Variants in ZNF536 observed in about 807,000 individuals in gnomAD.
The protein encoded by ZNF536 is zinc finger protein 536.
A neutral mutation model predicts 84.5 loss-of-function variants in ZNF536; 13 were observed. The ratio of observed to expected loss-of-function variants is 0.15; its 90% CI spans 0.10 to 0.24. The LOEUF is 0.24. Among genes scored for constraint, ZNF536 ranks in the 10% least tolerant of loss-of-function variants. The pLI, the probability that ZNF536 is intolerant of heterozygous loss-of-function variation, is 1.00. For synonymous variants in ZNF536, 811 were observed against 742.5 expected (o/e 1.09, Z -1.50); for missense variants, 1,536 against 1,747.5 (o/e 0.88, Z 2.16).
chr19:30,570,868 G>A (rs2046520794), intron 1 of ZNF536, among the ~76,000 whole-genome samples: 1 of 152,108 alleles, frequency 6.6e-6, no homozygotes, highest in Non-Finnish European at 1.5e-5. Context: ...CCAGCTGTAG[G>A]GGCTGCCTGT....
At chr19:30,395,955 C>A (rs1371015695) in intron 1 of ZNF536, among the ~76,000 whole-genome samples, 108 of 152,284 alleles carry the variant, frequency 7.1e-4, no homozygotes, top group Non-Finnish European at 2.5e-4. Flanking sequence ...ACAATTGTTA[C>A]CACTGATGAA....
chr19:30,539,449 C>G (rs1486669287), intron 3 of ZNF536, among the ~76,000 whole-genome samples: 1 of 152,216 alleles, frequency 6.6e-6, no homozygotes, highest in Non-Finnish European at 1.5e-5. Context: ...TCCAGAAACA[C>G]CCCCATGGAC....
intron 2 of ZNF536, among the ~76,000 whole-genome samples, chr19:30,305,411 A>G (rs952144936): frequency 6.6e-6 from 1 of 152,136 alleles, no homozygotes; most frequent in Non-Finnish European, 1.5e-5. Context: ...AGGGGTGGAA[A>G]GTATTCTGTT....
chr19:30,449,282 T>G (rs558444642), intron 2 of ZNF536, among the ~76,000 whole-genome samples: 1 of 152,240 alleles, frequency 6.6e-6, no homozygotes, highest in Non-Finnish European at 1.5e-5. Context: ...AAGCAGCAGC[T>G]TATTAATTTT....
chr19:30,359,592 C>T lies in ZNF536; in HGVS notation c.-3+7108C>T, dbSNP rs550237402. 1.3e-3 allele frequency among the ~76,000 whole-genome samples: 191 copies of T among 152,208 alleles called. 1 individual carries two copies. The highest frequency in any genetic ancestry group is 4.4e-3 in the African/African-American group (181 of 41,546). On this transcript the variant is annotated intron_variant, in intron 3 of 5. Transcript: ENST00000585628. ...GGTTCCACCTTCCTTCCTGTCTCCC[C>T]GGCACCTGAGTTACAGGGTGCCCAC...
At chr19:30,405,091 C>T (rs181948626) in intron 1 of ZNF536, among the ~76,000 whole-genome samples, 13 of 152,254 alleles carry the variant, frequency 8.5e-5, no homozygotes, top group South Asian at 2.1e-4. Context: ...CACCACTGTC[C>T]GGGAACCTCA....
chr19:30,418,361 C>T (rs1459255809), intron 1 of ZNF536, among the ~76,000 whole-genome samples: 2 of 152,176 alleles, frequency 1.3e-5, no homozygotes, highest in African/African-American at 4.8e-5. Context: ...CAGTCATTCC[C>T]ACCGTGGGTG....
Position 30,455,001 on chromosome 19 carries a change from C to G in ZNF536, c.2170+9269C>G, listed in dbSNP as rs1436318495. Among the ~76,000 whole-genome samples, 3 of 152,104 alleles carry G rather than the reference C, an allele frequency of 2.0e-5. No individual in the cohort carries two copies. The East Asian group carries it at 5.8e-4, about 29-fold the overall frequency. ...TGAGCCGAGATCAAGCCATTGCACT[C>G]CAGCCTGGGCAACAAGAGCAAAACT... On this transcript the variant is annotated intron_variant, in intron 2 of 4. Coordinates refer to ENST00000355537, the MANE Select transcript of ZNF536 (RefSeq NM_014717.3).
At chr19:30,397,447 A>T (rs2049869170) in intron 1 of ZNF536, among the ~76,000 whole-genome samples, 1 of 152,266 alleles carries the variant, frequency 6.6e-6, no homozygotes, top group African/African-American at 2.4e-5. Flanking sequence ...CCTGGCTGTG[A>T]TGCCAAACTA....
intron 1 of ZNF536, among the ~76,000 whole-genome samples, chr19:30,623,266 C>T (rs1217940765): frequency 2.0e-5 from 3 of 152,170 alleles, no homozygotes; most frequent in South Asian, 2.1e-4. Flanking sequence ...GCCCTTATTT[C>T]GTTATCAAAC....
chr19:30,440,054 G>A (rs1267956771), intron 1 of ZNF536, among the ~76,000 whole-genome samples: 8 of 142,938 alleles, frequency 5.6e-5, no homozygotes, highest in African/African-American at 1.3e-4. Flanking sequence ...TCCACTTCCC[G>A]GGTTCCAGTG....
chr19:30,479,214 G>C (rs1467371206), intron 2 of ZNF536, among the ~76,000 whole-genome samples: 2 of 152,068 alleles, frequency 1.3e-5, no homozygotes, highest in Admixed American at 1.3e-4. Context: ...TTTTATTTAG[G>C]GACCAGGCCA....
intron 2 of ZNF536, among the ~76,000 whole-genome samples, chr19:30,342,664 C>T (rs966208734): frequency 2.0e-5 from 3 of 152,256 alleles, no homozygotes; most frequent in Admixed American, 6.5e-5. Flanking sequence ...AACTACCCAG[C>T]CTGGGAAATT....
chr19:30,634,811 C>T (rs2049008199), intron 1 of ZNF536, among the ~76,000 whole-genome samples: 1 of 151,924 alleles, frequency 6.6e-6, no homozygotes, highest in Non-Finnish European at 1.5e-5. Flanking sequence ...TCTCCAGACC[C>T]CCTTCTGAGC....
At chr19:30,279,360 T>C (rs2045353799) in intron 1 of ZNF536, among the ~76,000 whole-genome samples, 1 of 152,042 alleles carries the variant, frequency 6.6e-6, no homozygotes, top group Admixed American at 6.5e-5. Context: ...GGGTGGATAA[T>C]GGTTGAGTGA....
intron 2 of ZNF536, among the ~76,000 whole-genome samples, chr19:30,500,530 C>T (rs1190413223): frequency 6.6e-6 from 1 of 151,172 alleles, no homozygotes; most frequent in Non-Finnish European, 1.5e-5. Flanking sequence ...TGGTTCTAGA[C>T]TCTCAGCAGC....
At chr19:30,499,606 A>C (rs2054867906) in intron 2 of ZNF536, among the ~76,000 whole-genome samples, 1 of 152,194 alleles carries the variant, frequency 6.6e-6, no homozygotes, top group Admixed American at 6.5e-5. Flanking sequence ...TTTATCTTCA[A>C]ACATCCAAAT....
At chr19:30,700,229 T>C (rs868155880) in intron 1 of ZNF536, among the ~76,000 whole-genome samples, 2 of 126,880 alleles carry the variant, frequency 1.6e-5, no homozygotes, top group Admixed American at 7.7e-5. Flanking sequence ...TCTTTCTTTC[T>C]TTCTTTCTTT....
At chr19:30,386,911 T>C (rs1366319661) in intron 1 of ZNF536, among the ~76,000 whole-genome samples, 2 of 152,230 alleles carry the variant, frequency 1.3e-5, no homozygotes, top group Non-Finnish European at 2.9e-5. Flanking sequence ...GTCGCCGGCA[T>C]GGACAGCAGG....
Sources: allele counts gnomAD v4.1 joint callset (sites outside exome capture counted in the v4.1 genomes callset), GRCh38; gene constraint gnomAD v4.1.1; transcripts MANE v1.5; gene names NCBI Gene and HGNC (gene_info 2026-07-23, HGNC 2026-07-21).